The following USP49 variants were observed in gnomAD, a reference collection of about 807,000 sequenced individuals.
USP49 encodes the protein ubiquitin carboxyl-terminal hydrolase 49.
Under a neutral mutation model 58.6 loss-of-function variants are expected in USP49, and 24 were observed. The observed-to-expected ratio is 0.41, with a 90% CI of 0.30 to 0.58. USP49 has a LOEUF of 0.58. USP49 is among the 20% of genes least tolerant of loss of function. The pLI is 0.30. For missense variants in USP49, 703 were observed against 866.1 expected (o/e 0.81, Z 2.36); for synonymous variants, 408 against 365.1 (o/e 1.12, Z -1.34).
chr6:41,857,584 T>G (rs910292862), intron 3 of USP49, among the ~76,000 whole-genome samples: 2 of 152,236 alleles, frequency 1.3e-5, no homozygotes, highest in Non-Finnish European at 2.9e-5. Flanking sequence ...TGGCGGAGGT[T>G]GCAGCCACTG....
intron 3 of USP49, among the ~76,000 whole-genome samples, chr6:41,866,119 A>T (rs191731989): frequency 6.6e-6 from 1 of 151,442 alleles, no homozygotes; most frequent in Non-Finnish European, 1.5e-5. Context: ...ACAGGGTTTC[A>T]CCGTGTTAGC....
At chr6:41,859,663 C>G (rs1774187133) in intron 3 of USP49, among the ~76,000 whole-genome samples, 1 of 152,130 alleles carries the variant, frequency 6.6e-6, no homozygotes, top group Non-Finnish European at 1.5e-5. Flanking sequence ...TCAGTGTCCT[C>G]TTTGGCAAAT....
intron 3 of USP49, among the ~76,000 whole-genome samples, chr6:41,820,462 T>C (rs1224621298): frequency 6.6e-6 from 1 of 152,130 alleles, no homozygotes; most frequent in Non-Finnish European, 1.5e-5. Flanking sequence ...GATGTGATAA[T>C]GGTGCTGTGG....
chr6:41,812,220 T>C (rs1166245551), intron 3 of USP49, among the ~76,000 whole-genome samples: 3 of 151,802 alleles, frequency 2.0e-5, no homozygotes, highest in African/African-American at 7.2e-5. Flanking sequence ...GCTGGGATTA[T>C]AGGCATGCGC....
intron 3 of USP49, among the ~76,000 whole-genome samples, chr6:41,845,673 GGGC>G (rs1773909930): frequency 6.6e-6 from 1 of 152,048 alleles, no homozygotes; most frequent in African/African-American, 2.4e-5. Flanking sequence ...ATTCCAGCCT[GGGC>G]AACACAGTGA....
chr6:41,870,411 G>A (rs1774393549), intron 3 of USP49, among the ~76,000 whole-genome samples: 1 of 152,146 alleles, frequency 6.6e-6, no homozygotes, highest in South Asian at 2.1e-4. Flanking sequence ...TGGGAGGAGG[G>A]TAAGATTCAG....
At position 41,795,210 on chromosome 6, in the gene USP49, A is replaced by G. The variant is rs1772866347; in HGVS notation, c.*1323T>C. ...CACAGCAACAAAAGTTAGGGTTTGC[A>G]TTCACTTTCACCAGCAAATCTAAGT... On this transcript the variant is annotated 3_prime_UTR_variant, in exon 8 of 8. Transcript: ENST00000682992. 1 of 152,260 alleles carries G rather than the reference A, an allele frequency of 6.6e-6. No individual in the cohort carries two copies. The highest frequency in any genetic ancestry group is 2.4e-5 in the African/African-American group (1 of 41,462). The allele number at this position is 152,260 out of a possible 1,614,324, so 9.4% of individuals were successfully genotyped here.
intron 3 of USP49, among the ~76,000 whole-genome samples, chr6:41,815,530 G>A (rs1166894524): frequency 1.3e-5 from 2 of 152,114 alleles, no homozygotes; most frequent in African/African-American, 4.8e-5. Flanking sequence ...TGCTGAATGG[G>A]CAGTGTCCTC....
chr6:41,812,855 G>GAT (rs998302636), intron 3 of USP49, among the ~76,000 whole-genome samples: 5 of 151,944 alleles, frequency 3.3e-5, no homozygotes, highest in African/African-American at 1.2e-4. Context: ...CAATGAGAGG[G>GAT]ATATCAATAT....
At chr6:41,865,061 T>A (rs1774286527) in intron 3 of USP49, among the ~76,000 whole-genome samples, 1 of 151,960 alleles carries the variant, frequency 6.6e-6, no homozygotes, top group Non-Finnish European at 1.5e-5. Context: ...TTATTTATTT[T>A]TGAGATGGAG....
At chr6:41,802,025 G>GTT (rs79214450) in intron 5 of USP49, among the ~76,000 whole-genome samples, 12 of 142,778 alleles carry the variant, frequency 8.4e-5, no homozygotes, top group South Asian at 2.2e-4. Context: ...AGGAATCACT[G>GTT]TTTTTTTTTT....
intron 3 of USP49, among the ~76,000 whole-genome samples, chr6:41,810,012 C>G (rs79241275): frequency 0.21 from 31,248 of 148,790 alleles, 4,095 homozygotes; most frequent in Middle Eastern, 0.36. Context: ...ATTAGCCGGG[C>G]GCGGTGGCGG....
At position 41,819,385 on chromosome 6, in the gene USP49, C is replaced by T. The variant is rs541328249; in HGVS notation, c.-28-12374G>A. On this transcript the variant is annotated intron_variant, in intron 3 of 7. Transcript: ENST00000682992. ...CAGGATTTACCCTTCTAAAAGCTGA[C>T]CAAAGGAATCATGGTTCATCCCTGT... Among the ~76,000 whole-genome samples the T allele has an allele frequency of 6.6e-5, 10 of 152,068 alleles. No homozygotes were observed. In the South Asian group the frequency reaches 2.1e-3, roughly 32 times the overall value.
At chr6:41,870,285 C>T (rs924170219) in intron 3 of USP49, among the ~76,000 whole-genome samples, 1 of 152,154 alleles carries the variant, frequency 6.6e-6, no homozygotes, top group African/African-American at 2.4e-5. Flanking sequence ...ACAGAGATAA[C>T]ATGTCCAAAT....
chr6:41,840,184 C>T (rs984793519), intron 3 of USP49, among the ~76,000 whole-genome samples: 6 of 151,598 alleles, frequency 4.0e-5, no homozygotes, highest in Admixed American at 2.6e-4. Context: ...ACTATCCTGG[C>T]TAACACGGTG....
intron 3 of USP49, among the ~76,000 whole-genome samples, chr6:41,809,949 A>G (rs1773221156): frequency 6.6e-6 from 1 of 150,452 alleles, no homozygotes; most frequent in Admixed American, 6.6e-5. Context: ...CAGAGGATCG[A>G]GACCATCCTG....
At chr6:41,802,588 C>T (rs190710380) in intron 5 of USP49, among the ~76,000 whole-genome samples, 26 of 144,894 alleles carry the variant, frequency 1.8e-4, no homozygotes, top group Admixed American at 2.7e-4. Flanking sequence ...GCCACTGCAC[C>T]TGGCCTAAGA....
intron 5 of USP49, 86 bp from the exon 6 acceptor site, chr6:41,800,024 C>T: frequency 8.5e-7 from 1 of 1,180,642 alleles, no homozygotes; most frequent in Non-Finnish European, 1.3e-6. Context: ...ATTCAATATG[C>T]ATTCTCCATA....
intron 3 of USP49, among the ~76,000 whole-genome samples, chr6:41,835,377 A>G (rs1299129702): frequency 3.9e-5 from 6 of 152,316 alleles, no homozygotes; most frequent in African/African-American, 1.4e-4. Flanking sequence ...CAAGTATGGA[A>G]AATGGAAGGA....
Sources: gnomAD v4.1 joint callset for allele counts (sites outside exome capture counted in the v4.1 genomes callset) on GRCh38, gnomAD v4.1.1 for gene constraint, MANE v1.5 for transcripts, NCBI Gene and HGNC (gene_info 2026-07-23, HGNC 2026-07-21) for gene names.